Variants in DIP2C observed in about 807,000 individuals in gnomAD.
DIP2C encodes disco-interacting protein 2 homolog C.
DIP2C carries 33 observed loss-of-function variants against 192.4 expected under a neutral mutation model. The ratio of observed to expected loss-of-function variants is 0.17; its 90% CI spans 0.13 to 0.23. The LOEUF is 0.23. Among genes scored for constraint, DIP2C ranks in the 10% least tolerant of loss-of-function variants. The probability of loss-of-function intolerance (pLI) is 1.00; values close to 1 mark genes in which losing one functional copy is unlikely to be tolerated. For synonymous variants in DIP2C, 979 were observed against 864.1 expected (o/e 1.13, Z -2.33); for missense variants, 1,537 against 2,110.1 (o/e 0.73, Z 5.32).
chr10:508,712 TTTGC>T (rs1258879538), intron 1 of DIP2C, among the ~76,000 whole-genome samples: 2 of 151,584 alleles, frequency 1.3e-5, no homozygotes, highest in Non-Finnish European at 2.9e-5. Flanking sequence ...GCCTCCCATG[TTTGC>T]TTGCTGCCAC....
chr10:415,979 C>A, intron 6 of DIP2C, 91 bp from the exon 7 acceptor site: 1 of 1,577,118 alleles, frequency 6.3e-7, no homozygotes, highest in Non-Finnish European at 8.6e-7. Context: ...CCCTCCCCAG[C>A]GCGGCTACAA....
intron 1 of DIP2C, among the ~76,000 whole-genome samples, chr10:531,549 G>T (rs1471628812): frequency 1.3e-5 from 2 of 152,154 alleles, no homozygotes; most frequent in Non-Finnish European, 2.9e-5. Flanking sequence ...AAAGGTTCAG[G>T]GCCCCCCAGT....
At chr10:632,367 C>A (rs1342871181) in intron 1 of DIP2C, among the ~76,000 whole-genome samples, 1 of 151,608 alleles carries the variant, frequency 6.6e-6, no homozygotes, top group African/African-American at 2.4e-5. Context: ...AGCACCGTAA[C>A]TGGAGACCAT....
intron 1 of DIP2C, among the ~76,000 whole-genome samples, chr10:588,329 C>T (rs1426516165): frequency 2.6e-5 from 4 of 152,248 alleles, no homozygotes; most frequent in Non-Finnish European, 5.9e-5. Flanking sequence ...GGACTGTGTC[C>T]TGGGAACTTA....
At chr10:509,647 C>T (rs551684890) in intron 1 of DIP2C, among the ~76,000 whole-genome samples, 44 of 152,270 alleles carry the variant, frequency 2.9e-4, no homozygotes, top group Admixed American at 2.5e-3. Context: ...GGAGGGTGCT[C>T]GTCCAGACGA....
intron 1 of DIP2C, among the ~76,000 whole-genome samples, chr10:593,423 G>A (rs950533586): frequency 4.0e-5 from 6 of 148,702 alleles, no homozygotes; most frequent in African/African-American, 1.3e-4. Flanking sequence ...CCTCACCCCC[G>A]CTGTCTCCCA....
chr10:543,860 CT>C (rs1434627557), intron 1 of DIP2C, among the ~76,000 whole-genome samples: 1 of 152,098 alleles, frequency 6.6e-6, no homozygotes, highest in African/African-American at 2.4e-5. Context: ...AATTCTGGGA[CT>C]TTTTCACCAC....
intron 10 of DIP2C, among the ~76,000 whole-genome samples, chr10:393,313 T>C (rs959212490): frequency 3.1e-4 from 47 of 152,222 alleles, no homozygotes; most frequent in African/African-American, 1.1e-3. Flanking sequence ...TGACCTCACT[T>C]TGACTTGCAC....
intron 19 of DIP2C, among the ~76,000 whole-genome samples, chr10:365,859 C>T (rs1451799260): frequency 3.3e-5 from 5 of 152,086 alleles, no homozygotes; most frequent in East Asian, 1.9e-4. Context: ...GCCGAGGAGC[C>T]GTAAAGGGGC....
chr10:440,648 G>A (rs1313762348), intron 4 of DIP2C, among the ~76,000 whole-genome samples: 1 of 152,188 alleles, frequency 6.6e-6, no homozygotes, highest in African/African-American at 2.4e-5. Context: ...TCATATGTAT[G>A]AGTCTTGATG....
intron 9 of DIP2C, among the ~76,000 whole-genome samples, chr10:406,743 C>CCTT (rs1199149772): frequency 6.6e-6 from 1 of 152,090 alleles, no homozygotes; most frequent in Non-Finnish European, 1.5e-5. Flanking sequence ...CTGCATGACC[C>CCTT]TAAAGGGGTC....
At chr10:413,282 A>C (rs1013686529) in intron 8 of DIP2C, among the ~76,000 whole-genome samples, 1 of 152,220 alleles carries the variant, frequency 6.6e-6, no homozygotes, top group African/African-American at 2.4e-5. Context: ...GACTGTATTA[A>C]TTGTACTGAA....
intron 3 of DIP2C, among the ~76,000 whole-genome samples, chr10:441,321 A>G (rs1262912811): frequency 1.3e-5 from 2 of 152,042 alleles, no homozygotes; most frequent in Non-Finnish European, 1.5e-5. Flanking sequence ...CGAGCCTCCA[A>G]ATCCTTTCAC....
At chr10:392,834 CCACGCA>C (rs1272445302) in intron 10 of DIP2C, among the ~76,000 whole-genome samples, 6 of 151,474 alleles carry the variant, frequency 4.0e-5, no homozygotes, top group African/African-American at 9.8e-5. Context: ...ACACACACGC[CCACGCA>C]CACACACGTC....
chr10:687,444 A>G (rs1311796406), intron 1 of DIP2C, among the ~76,000 whole-genome samples: 1 of 152,218 alleles, frequency 6.6e-6, no homozygotes, highest in African/African-American at 2.4e-5. Context: ...GAGGCTGAAT[A>G]GAGCCACGGA....
chr10:289,837 G>T (rs981300534), intron 32 of DIP2C, among the ~76,000 whole-genome samples: 1 of 152,210 alleles, frequency 6.6e-6, no homozygotes, highest in African/African-American at 2.4e-5. Flanking sequence ...CAGTGTGGTA[G>T]GTGGCACCGG....
chr10:663,452 C>T (rs1168306389), intron 1 of DIP2C: 2 of 152,538 alleles, frequency 1.3e-5, no homozygotes, highest in Non-Finnish European at 2.9e-5. Context: ...CCCTGGAATG[C>T]TTTAACCCTT....
At chr10:480,525 C>A (rs1440415276) in intron 2 of DIP2C, among the ~76,000 whole-genome samples, 4 of 152,242 alleles carry the variant, frequency 2.6e-5, no homozygotes, top group Non-Finnish European at 5.9e-5. Flanking sequence ...GATGAGATGC[C>A]AATCTCACCA....
In DIP2C at chr10:364,385, G is replaced by C; in HGVS notation, c.2466C>G (p.Val822=). 6.2e-7 allele frequency: 1 copy of C among 1,611,324 alleles called. No individual in the cohort carries two copies. The highest frequency in any genetic ancestry group is 8.5e-7 in the Non-Finnish European group (1 of 1,177,674). Reference sequence around the variant, plus strand: ...AGAACGCCACTGACCTTCCCCGGTAGACAAACTTCATGGGTTCTACGGCCA... The same window carrying C: ...AGAACGCCACTGACCTTCCCCGGTACACAAACTTCATGGGTTCTACGGCCA... ...TALAVEPMKF[V]YRGRIAVFSV... The change falls in exon 20 of 37, where the codon GTC becomes GTG. Residue 822 remains valine (V), a synonymous_variant. Transcript: ENST00000280886.
Sources: allele counts gnomAD v4.1 joint callset (sites outside exome capture counted in the v4.1 genomes callset), GRCh38; gene constraint gnomAD v4.1.1; transcripts MANE v1.5; gene names NCBI Gene and HGNC (gene_info 2026-07-23, HGNC 2026-07-21).